Variants in EPB41L2 observed in about 807,000 individuals in gnomAD.
The protein encoded by EPB41L2 is band 4.1-like protein 2.
A neutral mutation model predicts 113.0 loss-of-function variants in EPB41L2; 43 were observed. The ratio of observed to expected loss-of-function variants is 0.38; its 90% confidence interval spans 0.30 to 0.49. The LOEUF is 0.49. Among genes scored for constraint, EPB41L2 ranks in the 20% least tolerant of loss-of-function variants. The probability of loss-of-function intolerance (pLI) is 0.95; values close to 1 mark genes in which losing one functional copy is unlikely to be tolerated. For missense variants in EPB41L2, 1,147 were observed against 1,223.4 expected (o/e 0.94, Z 0.93); for synonymous variants, 442 against 436.7 (o/e 1.01, Z -0.15).
At chr6:130,966,038 A>AG (rs1554301682) in intron 1 of EPB41L2, among the ~76,000 whole-genome samples, 3,971 of 60,118 alleles carry the variant, frequency 0.066, 182 homozygotes, top group African/African-American at 0.28. Context: ...TAAAAAAAAA[A>AG]TTGCAAAAAA....
intron 18 of EPB41L2, among the ~76,000 whole-genome samples, chr6:130,860,904 C>T (rs542567705): frequency 5.1e-4 from 78 of 152,174 alleles, no homozygotes; most frequent in Non-Finnish European, 4.1e-4. Flanking sequence ...GTGTATTTTA[C>T]CTCTCCTTGG....
In EPB41L2 at chr6:130,894,365, A is replaced by G; in HGVS notation, c.1466T>C (p.Val489Ala). 1 of 1,613,764 alleles carries G rather than the reference A, an allele frequency of 6.2e-7. No homozygotes were observed. Among genetic ancestry groups the G allele is most frequent in the Non-Finnish European group, 8.5e-7 (1 of 1,179,770 alleles). ...RAAKRLWKVC[V>A]EHHTFYRLVS... ...TTACCTGTAGAAAGTATGATGCTCCACGCACACTTTCCATAGTCTTTTCGC... is the reference window on the plus strand; with the variant it reads ...TTACCTGTAGAAAGTATGATGCTCCGCGCACACTTTCCATAGTCTTTTCGC... The change falls in exon 10 of 20, where the codon GTG becomes GCG. Residue 489 changes from valine (V) to alanine (A), a missense_variant. By Grantham distance (64) the Val-to-Ala change is moderately conservative (BLOSUM62 0). Transcript: ENST00000337057.
At position 130,981,272 on chromosome 6, in the gene EPB41L2, G is replaced by C. The variant is rs1240109039; in HGVS notation, c.-14-24773C>G. 3.3e-5 allele frequency among the ~76,000 whole-genome samples: 5 copies of C among 152,132 alleles called. No homozygotes were observed. In the South Asian group the frequency reaches 6.2e-4, roughly 19 times the overall value. Reference sequence around the variant, plus strand: ...GTGCCAATCTCCTTATCAGTACAGAGGCAGAAAAGTTGTTAAAAATAATTC... The same window carrying C: ...GTGCCAATCTCCTTATCAGTACAGACGCAGAAAAGTTGTTAAAAATAATTC... On this transcript the variant is annotated intron_variant, in intron 1 of 19. Coordinates refer to ENST00000337057, the MANE Select transcript of EPB41L2 (RefSeq NM_001431.4).
At chr6:131,023,748 TATATATAG>T (rs3031750) in intron 1 of EPB41L2, among the ~76,000 whole-genome samples, 265 of 103,146 alleles carry the variant, frequency 2.6e-3, no homozygotes, top group South Asian at 4.6e-3. Context: ...TCTATATATC[TATATATAG>T]ATATATAGAT....
rs367995283 is a variant in EPB41L2, at chr6:130,955,279, T to C, written c.531A>G (p.Val177=). 1.9e-6 allele frequency: 3 copies of C among 1,613,962 alleles called. No homozygotes were observed. The highest frequency in any genetic ancestry group is 2.5e-6 in the Non-Finnish European group (3 of 1,180,042). The part of the protein sequence containing the change: ...ELVSKEREEK[V]KETQEDKLEG... ...CTAATTTGTCTTCCTGTGTTTCTTT[T>C]ACCTTCTCTTCTCTCTCCTTACTTA... The change falls in exon 3 of 20, where the codon GTA becomes GTG. Residue 177 remains valine (V), a synonymous_variant. Coordinates refer to ENST00000337057, the MANE Select transcript of EPB41L2 (RefSeq NM_001431.4).
chr6:130,884,815 G>T (rs1490972719), intron 12 of EPB41L2, among the ~76,000 whole-genome samples: 1 of 152,086 alleles, frequency 6.6e-6, no homozygotes, highest in African/African-American at 2.4e-5. Context: ...AATCATCATA[G>T]CTTTTCTACT....
intron 1 of EPB41L2, among the ~76,000 whole-genome samples, chr6:131,058,614 A>T (rs1798053458): frequency 6.6e-6 from 1 of 152,248 alleles, no homozygotes; most frequent in Non-Finnish European, 1.5e-5. Flanking sequence ...TATTAAATAC[A>T]ATGAGTAGGT....
At chr6:131,026,837 A>G (rs1052438041) in intron 1 of EPB41L2, among the ~76,000 whole-genome samples, 4 of 152,142 alleles carry the variant, frequency 2.6e-5, no homozygotes, top group Admixed American at 1.3e-4. Flanking sequence ...TATGTGCAAG[A>G]TGGCCCCTCT....
At chr6:131,057,896 G>C (rs1410010494) in intron 1 of EPB41L2, among the ~76,000 whole-genome samples, 2 of 152,186 alleles carry the variant, frequency 1.3e-5, no homozygotes, top group East Asian at 3.8e-4. Flanking sequence ...GCCTTTCCAT[G>C]CCTCCTAACC....
At chr6:130,940,085 G>A (rs1583674928) in intron 3 of EPB41L2, among the ~76,000 whole-genome samples, 1 of 152,326 alleles carries the variant, frequency 6.6e-6, no homozygotes, top group Non-Finnish European at 1.5e-5. Context: ...TAGGATCAGT[G>A]CATTTGTATT....
At chr6:130,926,550 A>T in intron 4 of EPB41L2, 55 bp downstream of exon 4, 1 of 1,262,760 alleles carries the variant, frequency 7.9e-7, no homozygotes, top group African/African-American at 1.5e-5. Context: ...TAAACTGGTT[A>T]ATAAAAAAAT....
At chr6:131,059,949 A>C (rs1232355958) in intron 1 of EPB41L2, among the ~76,000 whole-genome samples, 2 of 152,358 alleles carry the variant, frequency 1.3e-5, no homozygotes, top group African/African-American at 4.8e-5. Context: ...GTTTTCTCCA[A>C]GTAAACAGCA....
chr6:130,900,544 A>G (rs1048515603), intron 7 of EPB41L2, among the ~76,000 whole-genome samples: 28 of 152,162 alleles, frequency 1.8e-4, no homozygotes, highest in Non-Finnish European at 5.9e-5. Flanking sequence ...CACCACCTAC[A>G]CTGGTAATTC....
chr6:130,925,534 T>C (rs113571789), intron 4 of EPB41L2, among the ~76,000 whole-genome samples: 3,823 of 152,248 alleles, frequency 0.025, 152 homozygotes, highest in African/African-American at 0.087. Flanking sequence ...AGAGAACATG[T>C]TATTCTACAT....
At chr6:130,946,498 T>A (rs1812856498) in intron 3 of EPB41L2, among the ~76,000 whole-genome samples, 1 of 152,104 alleles carries the variant, frequency 6.6e-6, no homozygotes, top group Non-Finnish European at 1.5e-5. Flanking sequence ...GGCGATTTGT[T>A]TTTAAAAACA....
intron 14 of EPB41L2, chr6:130,872,237 C>T: frequency 1.6e-6 from 1 of 642,370 alleles, no homozygotes; most frequent in Admixed American, 4.4e-5. Flanking sequence ...GTCATTGTTT[C>T]TTGAATGTTT....
intron 16 of EPB41L2, 50 bp from the exon 17 acceptor site, chr6:130,865,684 G>A: frequency 6.3e-7 from 1 of 1,578,090 alleles, no homozygotes; most frequent in Non-Finnish European, 8.7e-7. Context: ...CTTCTGTTAT[G>A]TTGTCAGAGA....
At chr6:130,877,525 T>C (rs1243023421) in intron 14 of EPB41L2, among the ~76,000 whole-genome samples, 4 of 151,862 alleles carry the variant, frequency 2.6e-5, no homozygotes, top group African/African-American at 9.7e-5. Flanking sequence ...AGAAATAGAG[T>C]AAGTGAGGAG....
At chr6:130,958,880 G>A (rs1386938563) in intron 1 of EPB41L2, among the ~76,000 whole-genome samples, 2 of 152,206 alleles carry the variant, frequency 1.3e-5, no homozygotes, top group African/African-American at 4.8e-5. Context: ...AAGTAGAGGA[G>A]AAATGTAATA....
Sources: gnomAD v4.1 joint callset for allele counts (sites outside exome capture counted in the v4.1 genomes callset) on GRCh38, gnomAD v4.1.1 for gene constraint, MANE v1.5 for transcripts, NCBI Gene and HGNC (gene_info 2026-07-23, HGNC 2026-07-21) for gene names.